The following SPTBN1 variants were observed in gnomAD, a reference collection of about 807,000 sequenced individuals.
The protein encoded by SPTBN1 is spectrin beta, non-erythrocytic 1.
Under a neutral mutation model 266.4 loss-of-function variants are expected in SPTBN1, and 32 were observed. The ratio of observed to expected loss-of-function variants is 0.12; its 90% CI spans 0.09 to 0.16. The LOEUF (loss-of-function observed/expected upper bound fraction) is 0.16. SPTBN1 is among the 10% of genes least tolerant of loss of function. The pLI is 1.00. For synonymous variants in SPTBN1, 1,336 were observed against 1,162.2 expected (o/e 1.15, Z -3.04); for missense variants, 2,296 against 3,067.1 (o/e 0.75, Z 5.94).
chr2:54,656,081 G>T (rs141977637), intron 29 of SPTBN1, 83 bp downstream of exon 29: 1 of 1,216,686 alleles, frequency 8.2e-7, no homozygotes, highest in Admixed American at 2.0e-5. Context: ...ATTCATTAAT[G>T]TTATCATTTA....
At chr2:54,566,757 G>A (rs1243929577) in intron 2 of SPTBN1, among the ~76,000 whole-genome samples, 2 of 152,156 alleles carry the variant, frequency 1.3e-5, no homozygotes, top group South Asian at 2.1e-4. Flanking sequence ...CTTGAACCTG[G>A]GAGGCAGAGG....
rs1016860498 is a variant in SPTBN1 at position 54,566,270 on chromosome 2, C to T, written c.149-32822C>T. Among the ~76,000 whole-genome samples, 3 of 149,818 alleles carry T rather than the reference C, an allele frequency of 2.0e-5. No homozygotes were observed. In the Admixed American group the frequency reaches 2.0e-4, roughly 10 times the overall value. On this transcript the variant is annotated intron_variant, in intron 2 of 35. Coordinates refer to ENST00000356805, the MANE Select transcript of SPTBN1 (RefSeq NM_003128.3). ...GTGGCATGATCTCAGCTCACCGCAA[C>T]GTCCGCCTCCGGGTTCAAGCAATTC...
intron 1 of SPTBN1, among the ~76,000 whole-genome samples, chr2:54,491,348 T>A (rs1668673900): frequency 6.6e-6 from 1 of 152,156 alleles, no homozygotes; most frequent in Admixed American, 6.5e-5. Flanking sequence ...ATTCTACACT[T>A]AGGTAGAAAA....
At chr2:54,605,006 G>A (rs968355097) in intron 3 of SPTBN1, among the ~76,000 whole-genome samples, 7 of 152,120 alleles carry the variant, frequency 4.6e-5, no homozygotes, top group African/African-American at 1.7e-4. Flanking sequence ...TGTTGCTGTG[G>A]GGACGGAAGC....
rs1680437295 is a variant in SPTBN1, at chr2:54,653,440, T to A, written c.5578-169T>A. On this transcript the variant is annotated intron_variant, in intron 26 of 35. Coordinates refer to ENST00000356805, the MANE Select transcript of SPTBN1 (RefSeq NM_003128.3). The surrounding 1 kb of genome is among the most constrained non-coding windows in gnomAD (Gnocchi z 5.1). The stretch of plus-strand genomic sequence containing the variant: ...GTTGAACAGATTTATAGAAAACGGG[T>A]TTTTGTGACTTGGATCTCCCCAGTG... The A allele has an allele frequency of 3.8e-6, 4 of 1,053,074 alleles. No individual in the cohort carries two copies. The highest frequency in any genetic ancestry group is 4.0e-6 in the Non-Finnish European group (3 of 750,464). 65.2% of individuals were successfully genotyped at this position (1,053,074 alleles called of 1,614,324 possible).
rs772567627 is a variant in SPTBN1, at chr2:54,668,470, C to T, written c.6996C>T (p.Ser2332=). Reference sequence around the variant, plus strand: ...GCCGCGCGCAGACCCTCCCCACCAGCGTCGTCACCATCACCAGCGAGTCCA... The same window carrying T: ...GCCGCGCGCAGACCCTCCCCACCAGTGTCGTCACCATCACCAGCGAGTCCA... ...ASSRAQTLPT[S]VVTITSESSP... The change falls in exon 36 of 36, where the codon AGC becomes AGT. Residue 2332 remains serine, a synonymous_variant. Coordinates refer to ENST00000356805, the MANE Select transcript of SPTBN1 (RefSeq NM_003128.3). 41 of 1,614,072 alleles carry T rather than the reference C, an allele frequency of 2.5e-5. No homozygotes were observed. The highest frequency in any genetic ancestry group is 1.6e-4 in the Middle Eastern group (1 of 6,084).
At position 54,669,420 on chromosome 2, in the gene SPTBN1, A is replaced by G. The variant is rs1459410359; in HGVS notation, c.*851A>G. 1 of 152,676 alleles carries G rather than the reference A, an allele frequency of 6.5e-6. No homozygotes were observed. The highest frequency in any genetic ancestry group is 6.5e-5 in the Admixed American group (1 of 15,286). 9.5% of individuals were successfully genotyped at this position (152,676 alleles called of 1,614,324 possible). On this transcript the variant is annotated 3_prime_UTR_variant, in exon 36 of 36. Coordinates refer to ENST00000356805, the MANE Select transcript of SPTBN1 (RefSeq NM_003128.3). ...AATGGTTACTTGCTCGTGCGTTGCCACACTGTGTTATAATTTGCTTCATTT... is the reference window on the plus strand; with the variant it reads ...AATGGTTACTTGCTCGTGCGTTGCCGCACTGTGTTATAATTTGCTTCATTT...
chr2:54,459,526 T>G (rs1693246991), intron 1 of SPTBN1, among the ~76,000 whole-genome samples: 1 of 152,236 alleles, frequency 6.6e-6, no homozygotes, highest in South Asian at 2.1e-4. Context: ...GTGGAAATCA[T>G]TCAGTGTGGA....
At chr2:54,503,699 C>T (rs1669396727) in intron 1 of SPTBN1, among the ~76,000 whole-genome samples, 1 of 152,100 alleles carries the variant, frequency 6.6e-6, no homozygotes. Flanking sequence ...AAACATATAC[C>T]CATTGCCAAA....
At chr2:54,620,959 A>G (rs1677955113) in intron 7 of SPTBN1, among the ~76,000 whole-genome samples, 1 of 152,192 alleles carries the variant, frequency 6.6e-6, no homozygotes, top group Non-Finnish European at 1.5e-5. Flanking sequence ...TGGTTATGTG[A>G]CAGGATGGGT....
intron 1 of SPTBN1, among the ~76,000 whole-genome samples, chr2:54,482,929 C>T (rs1404168554): frequency 6.6e-6 from 1 of 152,206 alleles, no homozygotes; most frequent in Non-Finnish European, 1.5e-5. Context: ...AGCCCCACAG[C>T]AGTTGGTGCA....
chr2:54,630,072 A>T, intron 15 of SPTBN1, 43 bp downstream of exon 15: 1 of 1,596,634 alleles, frequency 6.3e-7, no homozygotes, highest in Non-Finnish European at 8.5e-7. Context: ...CACGTGTGGG[A>T]CTGGGGAGGG....
At chr2:54,477,044 T>C (rs1189451033) in intron 1 of SPTBN1, among the ~76,000 whole-genome samples, 1 of 152,160 alleles carries the variant, frequency 6.6e-6, no homozygotes, top group Non-Finnish European at 1.5e-5. Flanking sequence ...TCAGTGTTTT[T>C]CTTGGTTCTC....
chr2:54,558,180 TCGGCGGCTGCC>T lies in SPTBN1; in HGVS notation c.148+31615_148+31625del, dbSNP rs1673005619. 2.0e-6 allele frequency: 2 copies of T among 985,146 alleles called. No homozygotes were observed. Among genetic ancestry groups the T allele is most frequent in the Non-Finnish European group, 2.4e-6 (2 of 829,844 alleles). 61.0% of individuals were successfully genotyped at this position (985,146 alleles called of 1,614,324 possible). On this transcript the variant is annotated intron_variant, in intron 2 of 35. Coordinates refer to ENST00000356805, the MANE Select transcript of SPTBN1 (RefSeq NM_003128.3). The surrounding 1 kb of genome is among the most constrained non-coding windows in gnomAD (Gnocchi z 4.6). ...GGCGAGTCCAGGGCCCGGCCGGGGG[TCGGCGGCTGCC>T]GGGCGGCTGGGGCGACCGCGGACCG...
chr2:54,573,697 A>G (rs1222004166), intron 2 of SPTBN1, among the ~76,000 whole-genome samples: 2 of 152,342 alleles, frequency 1.3e-5, no homozygotes, highest in Admixed American at 6.5e-5. Context: ...CATGGTCATT[A>G]GAATAATTAT....
In SPTBN1 at chr2:54,533,891, GTCTC is replaced by G. The variant is rs1175767101; in HGVS notation, c.148+7332_148+7335del. ...GGGGGAAAGATTGATCTCTCTCTCTGTCTCTCTCTCACACACACACACACACACA... is the reference window on the plus strand; with the variant it reads ...GGGGGAAAGATTGATCTCTCTCTCTGTCTCTCACACACACACACACACACA... On this transcript the variant is annotated intron_variant, in intron 2 of 35. Transcript: ENST00000356805. This position sits in a 1 kb window ranked among gnomAD's most constrained non-coding sequence, Gnocchi z 4.2. Among the ~76,000 whole-genome samples, 2 of 120,578 alleles carry G rather than the reference GTCTC, an allele frequency of 1.7e-5. No homozygotes were observed. The highest frequency in any genetic ancestry group is 3.4e-5 in the Non-Finnish European group (2 of 58,610). 79.1% of individuals were successfully genotyped at this position (120,578 alleles called of 152,430 possible).
At chr2:54,545,763 A>C (rs946460604) in intron 2 of SPTBN1, among the ~76,000 whole-genome samples, 3 of 152,026 alleles carry the variant, frequency 2.0e-5, no homozygotes, top group Non-Finnish European at 4.4e-5. Flanking sequence ...CTTATCTGAA[A>C]AACAAGGGGG....
chr2:54,584,345 A>T (rs1422879931), intron 2 of SPTBN1, among the ~76,000 whole-genome samples: 1 of 152,084 alleles, frequency 6.6e-6, no homozygotes, highest in Non-Finnish European at 1.5e-5. Flanking sequence ...TTATTTTTTA[A>T]ATCTGTAGTG....
At chr2:54,607,449 G>T (rs905991911) in intron 3 of SPTBN1, among the ~76,000 whole-genome samples, 1 of 151,930 alleles carries the variant, frequency 6.6e-6, no homozygotes, top group African/African-American at 2.4e-5. Context: ...ATGGTGAAAC[G>T]CCATCTCTAC....
Sources: allele counts gnomAD v4.1 joint callset (sites outside exome capture counted in the v4.1 genomes callset), GRCh38; gene constraint gnomAD v4.1.1; non-coding constraint Gnocchi (gnomAD v3.1); transcripts MANE v1.5; gene names NCBI Gene and HGNC (gene_info 2026-07-23, HGNC 2026-07-21).